R3HDM1: variants seen among roughly 807,000 people sequenced by gnomAD.
R3HDM1 encodes R3H domain containing 1, also known as R3H domain-containing protein 1.
Under a neutral mutation model 141.1 loss-of-function variants are expected in R3HDM1, and 46 were observed. The ratio of observed to expected loss-of-function variants is 0.33; its 90% confidence interval spans 0.26 to 0.42. R3HDM1 has a LOEUF of 0.42. Ranked by LOEUF, R3HDM1 falls within the 10% of genes least tolerant of loss-of-function variation. The probability of loss-of-function intolerance (pLI) is 1.00; values close to 1 mark genes in which losing one functional copy is unlikely to be tolerated. For synonymous variants in R3HDM1, 435 were observed against 472.9 expected (o/e 0.92, Z 1.04); for missense variants, 1,184 against 1,368.3 (o/e 0.87, Z 2.12).
intron 3 of R3HDM1, among the ~76,000 whole-genome samples, chr2:135,615,718 A>C (rs1329380584): frequency 1.3e-5 from 2 of 152,186 alleles, no homozygotes; most frequent in East Asian, 3.8e-4. Flanking sequence ...TGTGCATTTG[A>C]AACATTAAGT....
chr2:135,714,061 T>C (rs761000548), intron 23 of R3HDM1, among the ~76,000 whole-genome samples: 2 of 150,050 alleles, frequency 1.3e-5, no homozygotes, highest in African/African-American at 2.5e-5. Flanking sequence ...GCTACAAAAC[T>C]AGTGGGTGAA....
At chr2:135,542,153 CTTGTA>C (rs1413454017) in intron 1 of R3HDM1, among the ~76,000 whole-genome samples, 4 of 152,136 alleles carry the variant, frequency 2.6e-5, no homozygotes, top group Non-Finnish European at 5.9e-5. Context: ...GAATTTTCTA[CTTGTA>C]TTGTTAAGTT....
intron 19 of R3HDM1, chr2:135,667,360 G>A (rs903238765): frequency 2.2e-6 from 1 of 463,650 alleles, no homozygotes; most frequent in Non-Finnish European, 2.8e-6. Context: ...TATTGCAACA[G>A]TGCAGTCCTT....
chr2:135,694,914 T>C (rs1487076614), intron 21 of R3HDM1, among the ~76,000 whole-genome samples: 1 of 152,140 alleles, frequency 6.6e-6, no homozygotes, highest in African/African-American at 2.4e-5. Context: ...CAGTAATCAT[T>C]TGTAGTCCTA....
chr2:135,561,748 A>G (rs746915183), intron 1 of R3HDM1, among the ~76,000 whole-genome samples: 6 of 152,184 alleles, frequency 3.9e-5, no homozygotes, highest in South Asian at 2.1e-4. Context: ...AGCTTAAAAT[A>G]AAAGTTGTAT....
intron 9 of R3HDM1, among the ~76,000 whole-genome samples, chr2:135,633,359 A>G (rs951340084): frequency 1.3e-5 from 2 of 152,196 alleles, no homozygotes. Context: ...AAGCACATAT[A>G]CATTAGCAGG....
chr2:135,613,363 G>A (rs1574350228), intron 3 of R3HDM1, among the ~76,000 whole-genome samples: 1 of 152,112 alleles, frequency 6.6e-6, no homozygotes, highest in South Asian at 2.1e-4. Flanking sequence ...AGCCATCAAC[G>A]ATATGTCGAG....
At chr2:135,620,206 C>G in intron 5 of R3HDM1, 1 of 784,168 alleles carries the variant, frequency 1.3e-6, no homozygotes, top group Non-Finnish European at 1.5e-6. Flanking sequence ...ATCTTTTCTC[C>G]CAGCCTGGAT....
intron 16 of R3HDM1, among the ~76,000 whole-genome samples, 171 bp from the exon 17 acceptor site, chr2:135,649,731 A>G (rs2064937615): frequency 6.6e-6 from 1 of 152,216 alleles, no homozygotes; most frequent in Non-Finnish European, 1.5e-5. Context: ...TTACTGTATT[A>G]GAGTTGCTTC....
intron 1 of R3HDM1, among the ~76,000 whole-genome samples, chr2:135,579,506 T>G (rs917813160): frequency 8.0e-5 from 12 of 150,028 alleles, no homozygotes; most frequent in African/African-American, 3.0e-4. Context: ...ATGGAGAAGT[T>G]GTGATGAAAA....
chr2:135,533,651 G>A lies in R3HDM1; in HGVS notation c.-250+2018G>A, dbSNP rs537446005. 2.4e-3 allele frequency among the ~76,000 whole-genome samples: 359 copies of A among 152,368 alleles called. 2 individuals carry two copies. The highest frequency in any genetic ancestry group is 7.8e-3 in the African/African-American group (326 of 41,590). ...CCCAGCACTTTGGGAGGCTGGGCGGGCGGATCACCTGAGGTCGGGAGTTGG... is the reference window on the plus strand; with the variant it reads ...CCCAGCACTTTGGGAGGCTGGGCGGACGGATCACCTGAGGTCGGGAGTTGG... On this transcript the variant is annotated intron_variant, in intron 1 of 26. Transcript: ENST00000683871.
chr2:135,534,000 A>G (rs1695503137), intron 1 of R3HDM1: 1 of 985,374 alleles, frequency 1.0e-6, no homozygotes, highest in Non-Finnish European at 1.2e-6. Flanking sequence ...TTTGTTGTTC[A>G]TATGCTGAGG....
chr2:135,626,209 G>GCT (rs1553576640), intron 7 of R3HDM1, among the ~76,000 whole-genome samples: 43 of 143,442 alleles, frequency 3.0e-4, no homozygotes, highest in African/African-American at 1.2e-3. Flanking sequence ...GCGTGCGTGC[G>GCT]TGCTTGCTTG....
rs866014469 is a variant in R3HDM1 at position 135,581,368 on chromosome 2, T to C, written c.-249-21132T>C. 5 of 984,908 alleles carry C rather than the reference T, an allele frequency of 5.1e-6. No homozygotes were observed. In the African/African-American group the frequency reaches 7.0e-5, roughly 14 times the overall value. The allele number at this position is 984,908 out of a possible 1,614,324, so 61.0% of individuals were successfully genotyped here. A position where few individuals can be genotyped will look rare whatever the true frequency, so the allele number is the denominator to read the frequency against. On this transcript the variant is annotated intron_variant, in intron 1 of 26. Transcript: ENST00000683871. ...TTCCCACCTGTGGAACATTTCACTT[T>C]ACCTTTAACGGTCTTGGTGCCTTAT...
intron 21 of R3HDM1, among the ~76,000 whole-genome samples, chr2:135,695,862 G>T (rs1356113331): frequency 6.6e-6 from 1 of 152,210 alleles, no homozygotes; most frequent in Non-Finnish European, 1.5e-5. Context: ...GAAGGAAAAT[G>T]ATACCAATGG....
Position 135,719,630 on chromosome 2 carries a change from C to T in R3HDM1, c.2882-2294C>T, listed in dbSNP as rs187462904. 1.4e-3 allele frequency among the ~76,000 whole-genome samples: 206 copies of T among 152,104 alleles called. 1 individual carries two copies. The highest frequency in any genetic ancestry group is 4.8e-3 in the African/African-American group (198 of 41,496). On this transcript the variant is annotated intron_variant, in intron 24 of 26. Transcript: ENST00000683871. The stretch of plus-strand genomic sequence containing the variant: ...GAACCTGGATGATAGGTACATTATG[C>T]GTTTCTATCTATACTTTTATATACT...
chr2:135,716,565 A>C (rs2076169858), intron 24 of R3HDM1, among the ~76,000 whole-genome samples: 1 of 152,238 alleles, frequency 6.6e-6, no homozygotes, highest in South Asian at 2.1e-4. Flanking sequence ...AAAAATTTAC[A>C]AACAACCTAA....
Position 135,675,504 on chromosome 2 carries a change from T to C in R3HDM1, c.2307+18T>C, listed in dbSNP as rs760704538. 6 of 1,600,398 alleles carry C rather than the reference T, an allele frequency of 3.7e-6. No individual in the cohort carries two copies. The highest frequency in any genetic ancestry group is 5.1e-6 in the Non-Finnish European group (6 of 1,169,630). The stretch of plus-strand genomic sequence containing the variant: ...CATATCAGGTATATTGTCTCTTTTA[T>C]GTACTTTGGGTAGAGATGATTTCGA... On this transcript the variant is annotated intron_variant, in intron 20 of 26. Coordinates refer to ENST00000683871, the MANE Select transcript of R3HDM1 (RefSeq NM_001378107.1).
intron 2 of R3HDM1, among the ~76,000 whole-genome samples, chr2:135,603,044 C>T (rs889755947): frequency 3.3e-5 from 5 of 151,990 alleles, no homozygotes; most frequent in Non-Finnish European, 5.9e-5. Context: ...TGCAGTGGCG[C>T]GATCTTGGCT....
Sources: allele counts gnomAD v4.1 joint callset (sites outside exome capture counted in the v4.1 genomes callset), GRCh38; gene constraint gnomAD v4.1.1; transcripts MANE v1.5; gene names NCBI Gene and HGNC (gene_info 2026-07-23, HGNC 2026-07-21).